The following AGAP1 variants were observed in gnomAD, a reference collection of about 807,000 sequenced individuals.
AGAP1 encodes ArfGAP with GTPase domain, ankyrin repeat and PH domain 1.
Under a neutral mutation model 105.3 loss-of-function variants are expected in AGAP1, and 29 were observed. That is an observed-to-expected ratio of 0.28 (90% CI 0.21 to 0.38). The LOEUF (loss-of-function observed/expected upper bound fraction) is 0.38, where lower values mean the gene tolerates loss of function less well. Among genes scored for constraint, AGAP1 ranks in the 10% least tolerant of loss-of-function variants. The pLI, the probability that AGAP1 is intolerant of heterozygous loss-of-function variation, is 1.00. For missense variants in AGAP1, 998 were observed against 1,165.1 expected (o/e 0.86, Z 2.09); for synonymous variants, 509 against 485.9 (o/e 1.05, Z -0.63).
intron 9 of AGAP1, among the ~76,000 whole-genome samples, chr2:235,821,766 G>T (rs751587567): frequency 1.3e-5 from 2 of 152,072 alleles, no homozygotes; most frequent in African/African-American, 2.4e-5. Flanking sequence ...TTAATCTCAG[G>T]ATCCAATCCA....
intron 1 of AGAP1, among the ~76,000 whole-genome samples, chr2:235,673,489 C>T (rs559676493): frequency 1.1e-4 from 17 of 152,206 alleles, no homozygotes; most frequent in African/African-American, 4.1e-4. Flanking sequence ...CTTGTGAGAT[C>T]GGGTGGCGCC....
chr2:235,669,357 G>GC (rs1409677105), intron 1 of AGAP1, among the ~76,000 whole-genome samples: 2 of 152,128 alleles, frequency 1.3e-5, no homozygotes, highest in African/African-American at 2.4e-5. Context: ...GGTGAGACAT[G>GC]CCCCTCGTTT....
At chr2:235,530,728 A>G (rs1428711194) in intron 1 of AGAP1, among the ~76,000 whole-genome samples, 2 of 152,086 alleles carry the variant, frequency 1.3e-5, no homozygotes, top group Non-Finnish European at 2.9e-5. Context: ...ACCCATCTGG[A>G]TAATCTTGAA....
At chr2:235,503,363 G>C (rs549149220) in intron 1 of AGAP1, among the ~76,000 whole-genome samples, 33 of 152,256 alleles carry the variant, frequency 2.2e-4, no homozygotes, top group African/African-American at 7.9e-4. Flanking sequence ...GCTGTGAGCC[G>C]GGATCGCGTA....
chr2:236,040,193 C>A lies in AGAP1; in HGVS notation c.1801-558C>A, dbSNP rs1205400444. On this transcript the variant is annotated intron_variant, in intron 14 of 17. Coordinates refer to ENST00000304032, the MANE Select transcript of AGAP1 (RefSeq NM_001037131.3). The surrounding 1 kb of genome is among the most constrained non-coding windows in gnomAD (Gnocchi z 5.6). Reference sequence around the variant, plus strand: ...TTAAGAATCAGCACTCCCAGCTATACTCGTGTTTCTCCCTGCCCCCACCCT... The same window carrying A: ...TTAAGAATCAGCACTCCCAGCTATAATCGTGTTTCTCCCTGCCCCCACCCT... Among the ~76,000 whole-genome samples the A allele has an allele frequency of 1.3e-5, 2 of 152,144 alleles. No individual in the cohort carries two copies. The highest frequency in any genetic ancestry group is 1.3e-4 in the Admixed American group (2 of 15,278).
chr2:235,768,194 C>G (rs1955133662), intron 6 of AGAP1, among the ~76,000 whole-genome samples: 2 of 152,152 alleles, frequency 1.3e-5, no homozygotes, highest in South Asian at 2.1e-4. Flanking sequence ...TGTTTTCACC[C>G]TTTATTTTCT....
In AGAP1 at chr2:236,003,465, GTCC is replaced by G. The variant is rs2056205295; in HGVS notation, c.1646-33090_1646-33088del. 6.6e-6 allele frequency among the ~76,000 whole-genome samples: 1 copy of G among 152,198 alleles called. No homozygotes were observed. The highest frequency in any genetic ancestry group is 2.4e-5 in the African/African-American group (1 of 41,446). On this transcript the variant is annotated intron_variant, in intron 13 of 17. Transcript: ENST00000304032. The surrounding 1 kb of genome is among the most constrained non-coding windows in gnomAD (Gnocchi z 4.2). ...TACCCACCTCTGTGTGTGGTCGCAC[GTCC>G]TCCTCATGGCCACGCTGGGATGGAG...
At chr2:235,585,202 C>G (rs1181271164) in intron 1 of AGAP1, among the ~76,000 whole-genome samples, 2 of 152,158 alleles carry the variant, frequency 1.3e-5, no homozygotes, top group African/African-American at 4.8e-5. Flanking sequence ...CTCAGAAGCT[C>G]CAAATGGGTC....
Position 235,569,721 on chromosome 2 carries a change from T to G in AGAP1, c.163+74872T>G, listed in dbSNP as rs562951615. 1.1e-3 allele frequency among the ~76,000 whole-genome samples: 169 copies of G among 152,316 alleles called. No homozygotes were observed. Among genetic ancestry groups the G allele is most frequent in the Non-Finnish European group, 2.0e-3 (137 of 68,028 alleles). On this transcript the variant is annotated intron_variant, in intron 1 of 17. Coordinates refer to ENST00000304032, the MANE Select transcript of AGAP1 (RefSeq NM_001037131.3). This position sits in a 1 kb window ranked among gnomAD's most constrained non-coding sequence, Gnocchi z 5.9. ...CCAAACCCTTTCTGGGTTTTGCCCC[T>G]CACAGGAGATGCAGGTCTTTCTATG... is the stretch of plus-strand genomic sequence containing the variant.
chr2:235,990,098 C>CTTA (rs956421636), intron 13 of AGAP1, among the ~76,000 whole-genome samples: 44 of 152,298 alleles, frequency 2.9e-4, no homozygotes, highest in African/African-American at 1.0e-3. Context: ...AGTGCTCTAC[C>CTTA]GTTAGGATTC....
At chr2:235,522,824 G>T (rs1044215447) in intron 1 of AGAP1, among the ~76,000 whole-genome samples, 6 of 152,190 alleles carry the variant, frequency 3.9e-5, no homozygotes, top group African/African-American at 1.4e-4. Context: ...GGTACTGTTA[G>T]AGCGATTTGT....
chr2:235,948,096 C>G (rs190440815), intron 12 of AGAP1, among the ~76,000 whole-genome samples: 166 of 150,620 alleles, frequency 1.1e-3, no homozygotes, highest in Admixed American at 2.2e-3. Flanking sequence ...GAAGGTTTAC[C>G]TGTTTTACCT....
rs1309838922 is a variant in AGAP1, at chr2:235,692,576, CCCCTTGCCTTCCT to C, written c.164-16602_164-16590del. 6.6e-6 allele frequency among the ~76,000 whole-genome samples: 1 copy of C among 151,760 alleles called. No homozygotes were observed. The highest frequency in any genetic ancestry group is 1.9e-4 in the East Asian group (1 of 5,188). The stretch of plus-strand genomic sequence containing the variant: ...CCTATGCTCTCCCCCCTTGCCCTCC[CCCCTTGCCTTCCT>C]GGGCCATCCTTTTCTGACTCAGCCT... On this transcript the variant is annotated intron_variant, in intron 1 of 17. Coordinates refer to ENST00000304032, the MANE Select transcript of AGAP1 (RefSeq NM_001037131.3). The surrounding 1 kb of genome is among the most constrained non-coding windows in gnomAD (Gnocchi z 5.8).
rs1298306410 is a variant in AGAP1 at position 235,906,097 on chromosome 2, G to C, written c.1156-2641G>C. On this transcript the variant is annotated intron_variant, in intron 10 of 17. Coordinates refer to ENST00000304032, the MANE Select transcript of AGAP1 (RefSeq NM_001037131.3). The surrounding 1 kb of genome is among the most constrained non-coding windows in gnomAD (Gnocchi z 5.3). ...GCTTTCCTCCAAGGGGGCTGTGGCTGACTCCAGCCAGCCTGCCCTGAGAGT... is the reference window on the plus strand; with the variant it reads ...GCTTTCCTCCAAGGGGGCTGTGGCTCACTCCAGCCAGCCTGCCCTGAGAGT... Among the ~76,000 whole-genome samples the C allele has an allele frequency of 6.6e-6, 1 of 152,144 alleles. No homozygotes were observed. Among genetic ancestry groups the C allele is most frequent in the Non-Finnish European group, 1.5e-5 (1 of 68,030 alleles).
intron 1 of AGAP1, among the ~76,000 whole-genome samples, chr2:235,681,758 T>C (rs1440261182): frequency 6.6e-6 from 1 of 152,020 alleles, no homozygotes; most frequent in Non-Finnish European, 1.5e-5. Context: ...AATAGAGCAG[T>C]AGGTTGGGAA....
chr2:235,748,750 C>T (rs1953176106), intron 5 of AGAP1, among the ~76,000 whole-genome samples: 2 of 152,206 alleles, frequency 1.3e-5, no homozygotes, highest in South Asian at 4.2e-4. Flanking sequence ...TGCCCTTTCT[C>T]CACAAAAATA....
intron 12 of AGAP1, among the ~76,000 whole-genome samples, chr2:235,943,798 G>A (rs574553374): frequency 1.3e-5 from 2 of 152,328 alleles, no homozygotes; most frequent in Non-Finnish European, 1.5e-5. Flanking sequence ...GACAGAGGGT[G>A]GGGTGTGGCT....
intron 12 of AGAP1, among the ~76,000 whole-genome samples, chr2:235,966,311 C>T (rs1210012736): frequency 2.0e-5 from 3 of 150,006 alleles, no homozygotes; most frequent in Admixed American, 1.3e-4. Flanking sequence ...AGAGGGGGGC[C>T]TGTTCCTCTG....
At position 235,714,648 on chromosome 2, in the gene AGAP1, C is replaced by T. The variant is rs1021253077; in HGVS notation, c.223-2909C>T. Among the ~76,000 whole-genome samples, 8 of 151,870 alleles carry T rather than the reference C, an allele frequency of 5.3e-5. 1 individual carries two copies. Among genetic ancestry groups the T allele is most frequent in the South Asian group, 4.2e-4 (2 of 4,812 alleles). On this transcript the variant is annotated intron_variant, in intron 2 of 17. Transcript: ENST00000304032. The surrounding 1 kb of genome is among the most constrained non-coding windows in gnomAD (Gnocchi z 4.1). ...CTGGCTGATGAGTAGAGAGTGGGAG[C>T]GGCCAGGACTGGGTGACAGAGAACA...
Sources: allele counts gnomAD v4.1 joint callset (sites outside exome capture counted in the v4.1 genomes callset), GRCh38; gene constraint gnomAD v4.1.1; non-coding constraint Gnocchi (gnomAD v3.1); transcripts MANE v1.5; gene names NCBI Gene and HGNC (gene_info 2026-07-23, HGNC 2026-07-21).